Variants in LRRC37A2 observed in about 807,000 individuals in gnomAD.
LRRC37A2 encodes the protein leucine-rich repeat-containing protein 37A2.
LRRC37A2 carries 9 observed loss-of-function variants against 68.8 expected under a neutral mutation model. The ratio of observed to expected loss-of-function variants is 0.13; its 90% confidence interval spans 0.08 to 0.23. LRRC37A2 has a LOEUF of 0.23. Among genes scored for constraint, LRRC37A2 ranks in the 10% least tolerant of loss-of-function variants. The pLI is 1.00. For synonymous variants in LRRC37A2, 63 were observed against 367.6 expected (o/e 0.17, Z 9.48); for missense variants, 168 against 950.4 (o/e 0.18, Z 10.82).
chr17:47,048,368 A>G, the LRRC37A2 span, among the ~76,000 whole-genome samples: 1 of 151,300 alleles, frequency 6.6e-6, no homozygotes, highest in Non-Finnish European at 1.5e-5. Flanking sequence ...CATCCAAAAT[A>G]TTAGAGATGA....
chr17:47,035,019 G>T, the LRRC37A2 span: 1 of 152,028 alleles, frequency 6.6e-6, no homozygotes, highest in South Asian at 2.1e-4. Flanking sequence ...AAGCTGTGTG[G>T]CTCCCAGCCT....
At chr17:46,418,192 ATTGTGTGTGTGTGTGTGTGTGT>A in the LRRC37A2 span, among the ~76,000 whole-genome samples, 4 of 60,952 alleles carry the variant, frequency 6.6e-5, no homozygotes, top group African/African-American at 1.5e-4. Flanking sequence ...GGGAAAATAA[ATTGTGTGTGTGTGTGTGTGTGT>A]TTGTGTGTGT....
chr17:46,804,577 G>A, the LRRC37A2 span, among the ~76,000 whole-genome samples: 2 of 152,164 alleles, frequency 1.3e-5, no homozygotes, highest in African/African-American at 4.8e-5. Context: ...TGTGGCTATA[G>A]GACTTGCAGG....
At chr17:46,783,010 C>T in the LRRC37A2 span, among the ~76,000 whole-genome samples, 1 of 152,156 alleles carries the variant, frequency 6.6e-6, no homozygotes, top group African/African-American at 2.4e-5. Context: ...GGGTGCCTTT[C>T]ATCAAAGAAG....
chr17:46,455,437 T>TA, the LRRC37A2 span, among the ~76,000 whole-genome samples: 1 of 85,688 alleles, frequency 1.2e-5, no homozygotes, highest in East Asian at 3.3e-4. Context: ...GCACAGTTCT[T>TA]ATTACTTTCA....
the LRRC37A2 span, among the ~76,000 whole-genome samples, chr17:46,742,156 G>C: frequency 6.6e-6 from 1 of 152,158 alleles, no homozygotes; most frequent in Non-Finnish European, 1.5e-5. Flanking sequence ...CTAATCAATT[G>C]ATTAAAAGAG....
chr17:46,767,783 G>T, the LRRC37A2 span, among the ~76,000 whole-genome samples: 299 of 150,404 alleles, frequency 2.0e-3, no homozygotes, highest in African/African-American at 3.9e-3. Flanking sequence ...GTTTTTTTTT[G>T]TTTGTTTGTT....
At chr17:46,939,361 C>T in the LRRC37A2 span, 19 of 1,001,208 alleles carry the variant, frequency 1.9e-5, no homozygotes, top group Non-Finnish European at 2.3e-5. Context: ...GTGCTATTGC[C>T]GATAACAAGT....
chr17:46,769,546 C>A, the LRRC37A2 span, among the ~76,000 whole-genome samples: 9 of 152,102 alleles, frequency 5.9e-5, no homozygotes, highest in Non-Finnish European at 1.2e-4. Context: ...CACGGGGTGG[C>A]CATGCTCCCA....
chr17:46,605,348 T>G, the LRRC37A2 span, among the ~76,000 whole-genome samples: 1 of 99,992 alleles, frequency 1.0e-5, no homozygotes, highest in Non-Finnish European at 2.0e-5. Flanking sequence ...CTCAGGAGGC[T>G]GAGGCAGGAG....
chr17:46,825,061 G>A, the LRRC37A2 span, among the ~76,000 whole-genome samples: 40 of 152,288 alleles, frequency 2.6e-4, 1 homozygote, highest in East Asian at 7.3e-3. Context: ...CTCCCTCTGT[G>A]CCCCTTTATT....
the LRRC37A2 span, among the ~76,000 whole-genome samples, chr17:46,722,378 T>C: frequency 6.6e-6 from 1 of 152,238 alleles, no homozygotes. Context: ...ACCTGCTGTG[T>C]GCTATAACTC....
At chr17:46,870,476 G>A in the LRRC37A2 span, among the ~76,000 whole-genome samples, 3 of 152,300 alleles carry the variant, frequency 2.0e-5, no homozygotes, top group South Asian at 6.2e-4. Context: ...AATGATTAAC[G>A]GGTCCCTGCC....
chr17:47,005,542 C>G, the LRRC37A2 span: 3 of 152,150 alleles, frequency 2.0e-5, no homozygotes, highest in Admixed American at 1.3e-4. Flanking sequence ...ATTCCTGTCT[C>G]CTGATTGTTT....
the LRRC37A2 span, among the ~76,000 whole-genome samples, chr17:46,760,288 GTCT>G: frequency 6.6e-6 from 1 of 151,656 alleles, no homozygotes; most frequent in Non-Finnish European, 1.5e-5. Context: ...ATTACAAATG[GTCT>G]TCATTAGTAT....
chr17:46,987,684 T>C, the LRRC37A2 span, among the ~76,000 whole-genome samples: 106,340 of 151,892 alleles, frequency 0.7, 37,855 homozygotes, highest in Middle Eastern at 0.78. Flanking sequence ...CATGCATGTT[T>C]ATAGCAGCAC....
chr17:47,006,488 T>G, the LRRC37A2 span, among the ~76,000 whole-genome samples: 6 of 152,240 alleles, frequency 3.9e-5, no homozygotes, highest in East Asian at 1.2e-3. Flanking sequence ...GGTGCATGCC[T>G]GTCATCCCAG....
At chr17:46,516,415 G>A (rs2051329217) in intron 2 of LRRC37A2, among the ~76,000 whole-genome samples, 1 of 143,826 alleles carries the variant, frequency 7.0e-6, no homozygotes, top group Non-Finnish European at 1.5e-5. Flanking sequence ...GCCAGAATCT[G>A]TGATCCTTGA....
At chr17:46,782,693 A>T in the LRRC37A2 span, among the ~76,000 whole-genome samples, 2 of 152,208 alleles carry the variant, frequency 1.3e-5, no homozygotes, top group Non-Finnish European at 2.9e-5. Flanking sequence ...GATGCACCCA[A>T]CTACACCCAT....
Sources: allele counts gnomAD v4.1 joint callset (sites outside exome capture counted in the v4.1 genomes callset), GRCh38; gene constraint gnomAD v4.1.1; transcripts MANE v1.5; gene names NCBI Gene and HGNC (gene_info 2026-07-23, HGNC 2026-07-21).